Variants in SLC22A5 observed in about 807,000 individuals in gnomAD.
The protein encoded by SLC22A5 is organic cation/carnitine transporter 2.
Under a neutral mutation model 56.7 loss-of-function variants are expected in SLC22A5, and 44 were observed. The observed-to-expected ratio is 0.78, with a 90% CI of 0.61 to 1.00. The LOEUF is 1.00. Among genes scored for constraint, SLC22A5 ranks in the 50% least tolerant of loss-of-function variants. The pLI, the probability that SLC22A5 is intolerant of heterozygous loss-of-function variation, is 0.00. For missense variants in SLC22A5, 675 were observed against 723.0 expected, an observed-to-expected ratio of 0.93 and a Z score of 0.76; for synonymous variants, 278 against 292.1, an observed-to-expected ratio of 0.95 and a Z score of 0.49.
intron 1 of SLC22A5, among the ~76,000 whole-genome samples, chr5:132,371,253 C>T (rs1490888986): frequency 1.3e-5 from 2 of 152,184 alleles, no homozygotes; most frequent in East Asian, 1.9e-4. Context: ...TGAGCCACCA[C>T]GCCAGGCCGT....
chr5:132,370,308 C>A lies in SLC22A5; in HGVS notation c.336C>A (p.Ser112Arg). The A allele has an allele frequency of 6.2e-7, 1 of 1,611,340 alleles. No homozygotes were observed. The change falls in exon 1 of 10, where the codon AGC becomes AGA. Residue 112 changes from serine to arginine, a missense_variant. By Grantham distance (110) the Ser-to-Arg change is moderately radical (BLOSUM62 -1). Coordinates refer to ENST00000245407, the MANE Select transcript of SLC22A5 (RefSeq NM_003060.4). ...DVDLGQLEQE[S>R]CLDGWEFSQD... ...ACCTGGGGCAGCTGGAGCAGGAGAG[C>A]TGTCTGGATGGCTGGGAGTTCAGTC...
chr5:132,378,682 G>C, intron 2 of SLC22A5: 1 of 600,280 alleles, frequency 1.7e-6, no homozygotes, highest in South Asian at 1.9e-5. Flanking sequence ...GCTAAGTAAA[G>C]AAACCTGAGC....
In SLC22A5 at chr5:132,394,533, T is replaced by G. The variant is rs1267078561; in HGVS notation, c.*261T>G. On this transcript the variant is annotated 3_prime_UTR_variant, in exon 10 of 10. Coordinates refer to ENST00000245407, the MANE Select transcript of SLC22A5 (RefSeq NM_003060.4). ...CTATTACAATGATGGACTCAGCACC[T>G]CCAAAGCAGTTAATTTTTCACTAGA... The G allele has an allele frequency of 3.8e-6, 2 of 526,126 alleles. No homozygotes were observed. The highest frequency in any genetic ancestry group is 1.9e-5 in the African/African-American group (1 of 52,392). The allele number at this position is 526,126 out of a possible 1,614,324, so 32.6% of individuals were successfully genotyped here. A position where few individuals can be genotyped will look rare whatever the true frequency, so the allele number is the denominator to read the frequency against.
rs775861079 is a variant in SLC22A5, at chr5:132,378,480, A to C, written c.496A>C (p.Arg166=). 1 of 1,612,260 alleles carries C rather than the reference A, an allele frequency of 6.2e-7. No individual in the cohort carries two copies. Among genetic ancestry groups the C allele is most frequent in the Admixed American group, 1.7e-5 (1 of 60,028 alleles). The part of the protein sequence containing the change: ...GSFISGQLSD[R]FGRKNVLFVT... Reference sequence around the variant, plus strand: ...CTTCATTTCAGGGCAGCTGTCAGACAGGTAAGGTGTCTGTCTTCTGGAGCA... The same window carrying C: ...CTTCATTTCAGGGCAGCTGTCAGACCGGTAAGGTGTCTGTCTTCTGGAGCA... The change falls in exon 2 of 10, where the codon AGG becomes CGG. Residue 166 remains arginine (R), a splice_region_variant and synonymous_variant. Transcript: ENST00000245407.
At chr5:132,384,425 G>T in intron 3 of SLC22A5, 124 bp downstream of exon 3, 1 of 1,032,284 alleles carries the variant, frequency 9.7e-7, no homozygotes. Context: ...AAACTAGCCA[G>T]AGCTTCCTGG....
rs1386058037 is a variant in SLC22A5, at chr5:132,370,276, G to A, written c.304G>A (p.Asp102Asn). ...FSALGLEPGR[D>N]VDLGQLEQES... ...GGCGCTTGGGCTGGAGCCGGGGCGC[G>A]ACGTGGACCTGGGGCAGCTGGAGCA... is the stretch of plus-strand genomic sequence containing the variant. Residue 102 changes from aspartate to asparagine, a missense_variant, in exon 1 of 10, where the codon GAC becomes AAC. By Grantham distance (23) the Asp-to-Asn change is conservative (BLOSUM62 1). Transcript: ENST00000245407. 3.7e-6 allele frequency: 6 copies of A among 1,601,084 alleles called. No homozygotes were observed. The South Asian group carries it at 6.7e-5, about 18-fold the overall frequency.
At chr5:132,389,042 T>A in intron 6 of SLC22A5, 21 bp downstream of exon 6, 1 of 1,510,988 alleles carries the variant, frequency 6.6e-7, no homozygotes, top group Non-Finnish European at 9.2e-7. Context: ...GAGACCTGCC[T>A]GAGGCTTCCA....
chr5:132,372,806 T>C (rs907783570), intron 1 of SLC22A5, among the ~76,000 whole-genome samples: 2 of 152,230 alleles, frequency 1.3e-5, no homozygotes, highest in African/African-American at 4.8e-5. Flanking sequence ...GCTTTTTCTA[T>C]GGCCTGTTGT....
rs753115805 is a variant in SLC22A5, at chr5:132,385,509, A to G, written c.824+10A>G. 2 of 1,613,568 alleles carry G rather than the reference A, an allele frequency of 1.2e-6. No individual in the cohort carries two copies. Among genetic ancestry groups the G allele is most frequent in the Non-Finnish European group, 1.7e-6 (2 of 1,179,538 alleles). ...GCGTGGCACTCTGGTGGTGAGTGTGACCTTGTGCCCCATGTGCCCACTGGC... is the reference window on the plus strand; with the variant it reads ...GCGTGGCACTCTGGTGGTGAGTGTGGCCTTGTGCCCCATGTGCCCACTGGC... On this transcript the variant is annotated intron_variant, in intron 4 of 9. Transcript: ENST00000245407.
intron 6 of SLC22A5, chr5:132,390,358 A>G (rs1231972667): frequency 5.2e-6 from 2 of 385,874 alleles, no homozygotes; most frequent in Non-Finnish European, 9.8e-6. Context: ...GAGGAGGTTC[A>G]GCTTAGGATT....
chr5:132,392,398 T>C, intron 7 of SLC22A5, 35 bp from the exon 8 acceptor site: 1 of 1,582,886 alleles, frequency 6.3e-7, no homozygotes, highest in Non-Finnish European at 8.7e-7. Context: ...CATGGGTTGG[T>C]ACCTACTCCT....
At chr5:132,373,060 G>T (rs1270081175) in intron 1 of SLC22A5, among the ~76,000 whole-genome samples, 1 of 152,118 alleles carries the variant, frequency 6.6e-6, no homozygotes, top group African/African-American at 2.4e-5. Flanking sequence ...TTAGATCTTT[G>T]CGTCTTCCTC....
Position 132,394,466 on chromosome 5 carries a change from G to A in SLC22A5, c.*194G>A, listed in dbSNP as rs1457392899. The A allele has an allele frequency of 3.2e-6, 2 of 618,264 alleles. No homozygotes were observed. The highest frequency in any genetic ancestry group is 5.8e-6 in the Non-Finnish European group (2 of 344,212). The allele number at this position is 618,264 out of a possible 1,614,324, so 38.3% of individuals were successfully genotyped here. Reference sequence around the variant, plus strand: ...GCCCTAGAGCACCACCTTCCTCTAGGGACACTGGGGCTACCTACAGACAAC... The same window carrying A: ...GCCCTAGAGCACCACCTTCCTCTAGAGACACTGGGGCTACCTACAGACAAC... On this transcript the variant is annotated 3_prime_UTR_variant, in exon 10 of 10. Transcript: ENST00000245407.
chr5:132,387,862 G>C (rs1374907137), intron 5 of SLC22A5: 1 of 156,746 alleles, frequency 6.4e-6, no homozygotes, highest in Non-Finnish European at 1.4e-5. Flanking sequence ...TCGTGACTAT[G>C]AGAGGTTAGA....
At chr5:132,387,874 G>GAGGT (rs1752586727) in intron 5 of SLC22A5, 1 of 155,882 alleles carries the variant, frequency 6.4e-6, no homozygotes, top group African/African-American at 2.4e-5. Context: ...GAGGTTAGAA[G>GAGGT]CTGTAAATGC....
At chr5:132,384,409 CTA>C in intron 3 of SLC22A5, 108 bp downstream of exon 3, 2 of 1,169,616 alleles carry the variant, frequency 1.7e-6, no homozygotes, top group Non-Finnish European at 2.5e-6. Flanking sequence ...GACAGGGTTT[CTA>C]ACAAAACTAG....
In SLC22A5 at chr5:132,384,194, G is replaced by T. The variant is rs767792700; in HGVS notation, c.545G>T (p.Gly182Val). 2 of 1,614,044 alleles carry T rather than the reference G, an allele frequency of 1.2e-6. No homozygotes were observed. The highest frequency in any genetic ancestry group is 4.5e-5 in the East Asian group (2 of 44,898). ...VLFVTMGMQT[G>V]FSFLQIFSKN... ...TTCGTGACCATGGGCATGCAGACAG[G>T]CTTCAGCTTCCTGCAGATCTTCTCG... Residue 182 changes from glycine (G) to valine (V), a missense_variant, in exon 3 of 10, where the codon GGC becomes GTC. Coordinates refer to ENST00000245407, the MANE Select transcript of SLC22A5 (RefSeq NM_003060.4).
rs1038448180 is a variant in SLC22A5 at position 132,394,375 on chromosome 5, G to C, written c.*103G>C. ...CCTTCAGTGACAAAAGGCCTTTGCT[G>C]TTTGTCCTCTTGACCTGTGTCTGAC... On this transcript the variant is annotated 3_prime_UTR_variant, in exon 10 of 10. Transcript: ENST00000245407. 17 of 884,366 alleles carry C rather than the reference G, an allele frequency of 1.9e-5. No individual in the cohort carries two copies. Among genetic ancestry groups the C allele is most frequent in the Non-Finnish European group, 3.1e-5 (16 of 515,264 alleles). 54.8% of individuals were successfully genotyped at this position (884,366 alleles called of 1,614,324 possible).
rs748147553 is a variant in SLC22A5 at position 132,386,976 on chromosome 5, T to C, written c.825-49T>C. On this transcript the variant is annotated intron_variant, in intron 4 of 9. Coordinates refer to ENST00000245407, the MANE Select transcript of SLC22A5 (RefSeq NM_003060.4). ...GGCTGTGCTCTACCTGGTCTGTGGG[T>C]CTGCTGTTGGCAGGGAGGCCTCACT... The C allele has an allele frequency of 5.0e-6, 8 of 1,608,904 alleles. No individual in the cohort carries two copies. The African/African-American group carries it at 8.0e-5, about 16-fold the overall frequency.
Sources: gnomAD v4.1 joint callset for allele counts (sites outside exome capture counted in the v4.1 genomes callset) on GRCh38, gnomAD v4.1.1 for gene constraint, MANE v1.5 for transcripts, NCBI Gene and HGNC (gene_info 2026-07-23, HGNC 2026-07-21) for gene names.